Variants in EBF1 observed in about 807,000 individuals in gnomAD.
EBF1 encodes transcription factor COE1.
In EBF1, 10 loss-of-function variants were observed where a neutral mutation model predicts 68.4. That is an observed-to-expected ratio of 0.15 (90% CI 0.09 to 0.25). The LOEUF is 0.25. EBF1 is among the 10% of genes least tolerant of loss of function. The probability of loss-of-function intolerance (pLI) is 1.00; values close to 1 mark genes in which losing one functional copy is unlikely to be tolerated. For synonymous variants in EBF1, 298 were observed against 299.8 expected (o/e 0.99, Z 0.06); for missense variants, 509 against 794.4 (o/e 0.64, Z 4.32).
At chr5:158,881,501 C>T (rs150107672) in intron 6 of EBF1, among the ~76,000 whole-genome samples, 1 of 152,292 alleles carries the variant, frequency 6.6e-6, no homozygotes, top group Admixed American at 6.5e-5. Flanking sequence ...ACAAGGAGGG[C>T]ATTTGGCTGT....
At chr5:158,764,990 G>T (rs1007826915) in intron 10 of EBF1, among the ~76,000 whole-genome samples, 5 of 152,024 alleles carry the variant, frequency 3.3e-5, no homozygotes, top group African/African-American at 1.2e-4. Context: ...AATGAGAAAG[G>T]CTTTGTCAAC....
intron 7 of EBF1, among the ~76,000 whole-genome samples, chr5:158,833,528 G>T (rs2127935732): frequency 6.6e-6 from 1 of 152,230 alleles, no homozygotes; most frequent in East Asian, 1.9e-4. Context: ...CCCTATGATT[G>T]CATATGACCA....
At chr5:158,770,944 G>T (rs779856096) in intron 10 of EBF1, among the ~76,000 whole-genome samples, 25 of 152,128 alleles carry the variant, frequency 1.6e-4, no homozygotes, top group African/African-American at 5.6e-4. Flanking sequence ...ATTGTGTCTG[G>T]TTTTGCTTAA....
Position 158,822,671 on chromosome 5 carries a change from C to T in EBF1, c.778+505G>A, listed in dbSNP as rs56870894. Among the ~76,000 whole-genome samples, 6 of 152,196 alleles carry T rather than the reference C, an allele frequency of 3.9e-5. No individual in the cohort carries two copies. In the East Asian group the frequency reaches 9.7e-4, roughly 24 times the overall value. ...CATATTCAGAAAGCACCTCCAACCTCGACATTGAACCTGATCTCCAAATGA... is the reference window on the plus strand; with the variant it reads ...CATATTCAGAAAGCACCTCCAACCTTGACATTGAACCTGATCTCCAAATGA... On this transcript the variant is annotated intron_variant, in intron 8 of 15. Coordinates refer to ENST00000313708, the MANE Select transcript of EBF1 (RefSeq NM_024007.5).
intron 6 of EBF1, among the ~76,000 whole-genome samples, chr5:158,867,245 A>C (rs1223393856): frequency 6.6e-6 from 1 of 152,134 alleles, no homozygotes; most frequent in East Asian, 1.9e-4. Flanking sequence ...GAAGGGCCTG[A>C]GTTTTTATGA....
At chr5:158,924,581 G>A (rs748605437) in intron 6 of EBF1, among the ~76,000 whole-genome samples, 3 of 152,078 alleles carry the variant, frequency 2.0e-5, no homozygotes, top group Non-Finnish European at 4.4e-5. Flanking sequence ...GGCCGGGTGC[G>A]GTGGTTCACG....
At chr5:158,718,658 C>G (rs750762199) in intron 11 of EBF1, among the ~76,000 whole-genome samples, 1 of 152,120 alleles carries the variant, frequency 6.6e-6, no homozygotes, top group Non-Finnish European at 1.5e-5. Flanking sequence ...CCAAAGTTTC[C>G]ACCGCTGACT....
intron 6 of EBF1, among the ~76,000 whole-genome samples, chr5:158,976,218 A>G (rs1429079978): frequency 1.3e-5 from 2 of 152,246 alleles, no homozygotes; most frequent in African/African-American, 4.8e-5. Context: ...TACAAAAAGA[A>G]TCTAAATAAC....
intron 6 of EBF1, among the ~76,000 whole-genome samples, chr5:158,932,217 T>C (rs1811029372): frequency 6.6e-6 from 1 of 152,170 alleles, no homozygotes; most frequent in South Asian, 2.1e-4. Flanking sequence ...GCATTATTTA[T>C]AAAAATGAAA....
intron 6 of EBF1, among the ~76,000 whole-genome samples, chr5:159,035,122 A>G (rs1470461163): frequency 2.6e-5 from 4 of 152,094 alleles, no homozygotes; most frequent in Non-Finnish European, 5.9e-5. Flanking sequence ...GGAAAGAAAG[A>G]GAAAGAAAGA....
intron 6 of EBF1, among the ~76,000 whole-genome samples, chr5:158,938,340 C>A (rs542915390): frequency 6.6e-6 from 1 of 152,164 alleles, no homozygotes; most frequent in African/African-American, 2.4e-5. Flanking sequence ...CTTTCACCCC[C>A]CTCCTCCCCT....
chr5:158,874,147 A>G (rs1045647402), intron 6 of EBF1, among the ~76,000 whole-genome samples: 15 of 152,240 alleles, frequency 9.9e-5, no homozygotes, highest in African/African-American at 3.1e-4. Flanking sequence ...ATGAGCTGCC[A>G]TGAATTTTTC....
At chr5:158,710,626 A>T (rs1032221373) in intron 14 of EBF1, among the ~76,000 whole-genome samples, 2 of 152,216 alleles carry the variant, frequency 1.3e-5, no homozygotes, top group Admixed American at 1.3e-4. Flanking sequence ...CTAAGATGAA[A>T]TGTGTAATTT....
In EBF1 at chr5:158,708,565, G is replaced by A. The variant is rs185896390; in HGVS notation, c.1550-392C>T. On this transcript the variant is annotated intron_variant, in intron 14 of 15. Coordinates refer to ENST00000313708, the MANE Select transcript of EBF1 (RefSeq NM_024007.5). Reference sequence around the variant, plus strand: ...CCATCCTCAGAGTATTCCAGGCCAGGAAACAAAAGTGCAACACCCTCTTAT... The same window carrying A: ...CCATCCTCAGAGTATTCCAGGCCAGAAAACAAAAGTGCAACACCCTCTTAT... Among the ~76,000 whole-genome samples the A allele has an allele frequency of 1.5e-4, 23 of 152,250 alleles. No individual in the cohort carries two copies. In the East Asian group the frequency reaches 4.4e-3, roughly 29 times the overall value.
At chr5:159,043,179 A>G (rs950496074) in intron 6 of EBF1, among the ~76,000 whole-genome samples, 1 of 152,130 alleles carries the variant, frequency 6.6e-6, no homozygotes, top group African/African-American at 2.4e-5. Context: ...TACTTTTCCA[A>G]GGTCTTATGG....
intron 6 of EBF1, among the ~76,000 whole-genome samples, chr5:158,940,301 A>G (rs1812958319): frequency 6.6e-6 from 1 of 152,190 alleles, no homozygotes; most frequent in African/African-American, 2.4e-5. Flanking sequence ...AAAGGGCAGG[A>G]TTTGCCCAAG....
chr5:158,850,527 T>C (rs1792425000), intron 6 of EBF1, among the ~76,000 whole-genome samples: 1 of 152,234 alleles, frequency 6.6e-6, no homozygotes, highest in South Asian at 2.1e-4. Flanking sequence ...TCCTGTGGGA[T>C]GAGTCCACTT....
chr5:159,085,156 A>G (rs1178869126), intron 4 of EBF1, among the ~76,000 whole-genome samples: 3 of 152,254 alleles, frequency 2.0e-5, no homozygotes, highest in Admixed American at 1.3e-4. Flanking sequence ...TACTACTTCC[A>G]GGCTCAACAT....
chr5:158,987,174 C>T (rs1583689296), intron 6 of EBF1: 1 of 152,196 alleles, frequency 6.6e-6, no homozygotes, highest in Admixed American at 6.5e-5. Context: ...TATGCATATA[C>T]CAAACCATAA....
Sources: allele counts gnomAD v4.1 joint callset (sites outside exome capture counted in the v4.1 genomes callset), GRCh38; gene constraint gnomAD v4.1.1; transcripts MANE v1.5; gene names NCBI Gene and HGNC (gene_info 2026-07-23, HGNC 2026-07-21).